Variants in PCCA observed in about 807,000 individuals in gnomAD.
PCCA encodes propionyl-CoA carboxylase subunit alpha.
In PCCA, 74 loss-of-function variants were observed where a neutral mutation model predicts 101.3. That is an observed-to-expected ratio of 0.73 (90% CI 0.61 to 0.89). The LOEUF (loss-of-function observed/expected upper bound fraction) is 0.89, where lower values mean the gene tolerates loss of function less well. Ranked by LOEUF, PCCA falls within the 40% of genes least tolerant of loss-of-function variation. PCCA has a pLI of 0.00. For synonymous variants in PCCA, 294 were observed against 313.6 expected (o/e 0.94, Z 0.66); for missense variants, 891 against 907.0 (o/e 0.98, Z 0.23).
intron 21 of PCCA, among the ~76,000 whole-genome samples, chr13:100,509,618 T>A (rs970237376): frequency 6.6e-6 from 1 of 152,348 alleles, no homozygotes; most frequent in African/African-American, 2.4e-5. Flanking sequence ...TATTTTTTGC[T>A]AGTTTTAGAA....
intron 10 of PCCA, among the ~76,000 whole-genome samples, chr13:100,265,076 T>C (rs2062836449): frequency 6.6e-6 from 1 of 152,210 alleles, no homozygotes; most frequent in Non-Finnish European, 1.5e-5. Context: ...TCTGTATCAA[T>C]TTTGTTTATG....
chr13:100,452,258 C>T (rs1044634816), intron 21 of PCCA, among the ~76,000 whole-genome samples: 1 of 151,716 alleles, frequency 6.6e-6, no homozygotes, highest in Non-Finnish European at 1.5e-5. Flanking sequence ...CTCCCTCTCC[C>T]CTGTCTCTGT....
At chr13:100,169,963 G>A (rs2055469580) in intron 6 of PCCA, among the ~76,000 whole-genome samples, 1 of 152,126 alleles carries the variant, frequency 6.6e-6, no homozygotes, top group South Asian at 2.1e-4. Context: ...GCCTCCGGAA[G>A]TGCTGGGATT....
chr13:100,140,603 T>C (rs1566561623), intron 4 of PCCA, among the ~76,000 whole-genome samples: 1 of 152,102 alleles, frequency 6.6e-6, no homozygotes, highest in African/African-American at 2.4e-5. Context: ...GAAAAGAAAA[T>C]GATAAAACTC....
intron 17 of PCCA, among the ~76,000 whole-genome samples, chr13:100,334,487 C>G (rs1321700243): frequency 6.6e-6 from 1 of 152,142 alleles, no homozygotes; most frequent in Non-Finnish European, 1.5e-5. Context: ...AGAAGACTCA[C>G]TAAGGACAGG....
chr13:100,168,336 A>G (rs2055266227), intron 6 of PCCA, among the ~76,000 whole-genome samples: 1 of 152,224 alleles, frequency 6.6e-6, no homozygotes, highest in Admixed American at 6.5e-5. Flanking sequence ...CCAATTATAA[A>G]TTCTGGACAA....
chr13:100,496,121 T>TA (rs2085259936), intron 21 of PCCA, among the ~76,000 whole-genome samples: 1 of 152,222 alleles, frequency 6.6e-6, no homozygotes, highest in Non-Finnish European at 1.5e-5. Context: ...GCAGTACTGT[T>TA]ACCACAATTA....
intron 7 of PCCA, among the ~76,000 whole-genome samples, chr13:100,223,294 G>C (rs2485547): frequency 0.15 from 22,751 of 152,134 alleles, 1,784 homozygotes; most frequent in Middle Eastern, 0.22. Flanking sequence ...CTCGCGGTGA[G>C]TGTTACAGCT....
intron 8 of PCCA, among the ~76,000 whole-genome samples, chr13:100,240,669 A>G (rs2152529714): frequency 6.6e-6 from 1 of 152,258 alleles, no homozygotes; most frequent in South Asian, 2.1e-4. Context: ...GTTACGGTTT[A>G]TACTCGTATA....
intron 19 of PCCA, among the ~76,000 whole-genome samples, chr13:100,369,737 G>C (rs1481442137): frequency 6.6e-6 from 1 of 152,204 alleles, no homozygotes; most frequent in Non-Finnish European, 1.5e-5. Flanking sequence ...GAGTTAAACA[G>C]CTGTCTCATG....
intron 11 of PCCA, among the ~76,000 whole-genome samples, chr13:100,271,997 G>A (rs1308416799): frequency 6.6e-6 from 1 of 152,144 alleles, no homozygotes; most frequent in Non-Finnish European, 1.5e-5. Flanking sequence ...GCTCATTTGA[G>A]AATAATTTTA....
At chr13:100,131,586 G>A (rs2050517851) in intron 4 of PCCA, among the ~76,000 whole-genome samples, 1 of 152,176 alleles carries the variant, frequency 6.6e-6, no homozygotes, top group Non-Finnish European at 1.5e-5. Flanking sequence ...CTGGAAACGG[G>A]TGGTGGCGAT....
chr13:100,298,967 T>C (rs534237145), intron 12 of PCCA, among the ~76,000 whole-genome samples: 4 of 151,988 alleles, frequency 2.6e-5, no homozygotes, highest in African/African-American at 9.6e-5. Context: ...TTTAGAAGGA[T>C]TTCTTTCAAA....
chr13:100,519,346 C>T (rs1050042236), intron 22 of PCCA, among the ~76,000 whole-genome samples: 1 of 152,200 alleles, frequency 6.6e-6, no homozygotes, highest in Non-Finnish European at 1.5e-5. Context: ...TATTAGACTT[C>T]GGGATATTTT....
intron 6 of PCCA, among the ~76,000 whole-genome samples, chr13:100,193,532 A>G (rs1359737406): frequency 6.6e-6 from 1 of 152,226 alleles, no homozygotes; most frequent in Non-Finnish European, 1.5e-5. Context: ...GTGCTTTTAA[A>G]TAGTATGAAA....
intron 6 of PCCA, among the ~76,000 whole-genome samples, chr13:100,208,165 A>G (rs1296430472): frequency 6.6e-6 from 1 of 152,002 alleles, no homozygotes; most frequent in Admixed American, 6.6e-5. Flanking sequence ...CCTCTTAAAT[A>G]TTTATCTCCT....
At chr13:100,313,723 A>G (rs955554052) in intron 16 of PCCA, among the ~76,000 whole-genome samples, 8 of 152,178 alleles carry the variant, frequency 5.3e-5, no homozygotes, top group African/African-American at 1.9e-4. Flanking sequence ...TATAGTTAGC[A>G]TGGCCTACAC....
intron 21 of PCCA, among the ~76,000 whole-genome samples, chr13:100,449,971 G>T (rs2081102851): frequency 6.6e-6 from 1 of 152,160 alleles, no homozygotes; most frequent in Non-Finnish European, 1.5e-5. Context: ...AGTGTGAGTT[G>T]TAATTTTCAA....
chr13:100,249,782 CTGTA>C (rs1488769905), intron 8 of PCCA, among the ~76,000 whole-genome samples: 2 of 152,120 alleles, frequency 1.3e-5, no homozygotes, highest in East Asian at 3.8e-4. Flanking sequence ...CATAGATACA[CTGTA>C]TGTATTTTAA....
Sources: gnomAD v4.1 joint callset for allele counts (sites outside exome capture counted in the v4.1 genomes callset) on GRCh38, gnomAD v4.1.1 for gene constraint, MANE v1.5 for transcripts, NCBI Gene and HGNC (gene_info 2026-07-23, HGNC 2026-07-21) for gene names.